The following CACNA2D1 variants were observed in gnomAD, a reference collection of about 807,000 sequenced individuals.
CACNA2D1 encodes the protein voltage-dependent calcium channel subunit alpha-2/delta-1.
In CACNA2D1, 53 loss-of-function variants were observed where a neutral mutation model predicts 171.5. The observed-to-expected ratio is 0.31, with a 90% CI of 0.25 to 0.39. The LOEUF (loss-of-function observed/expected upper bound fraction) is 0.39, where lower values mean the gene tolerates loss of function less well. Ranked by LOEUF, CACNA2D1 falls within the 10% of genes least tolerant of loss-of-function variation. The probability of loss-of-function intolerance (pLI) is 1.00; values close to 1 mark genes in which losing one functional copy is unlikely to be tolerated. For missense variants in CACNA2D1, 903 were observed against 1,299.8 expected (o/e 0.69, Z 4.69); for synonymous variants, 442 against 443.1 (o/e 1.00, Z 0.03).
At chr7:82,400,625 C>A (rs1463982543) in intron 1 of CACNA2D1, among the ~76,000 whole-genome samples, 1 of 152,084 alleles carries the variant, frequency 6.6e-6, no homozygotes, top group Non-Finnish European at 1.5e-5. Context: ...TAGGCAATAC[C>A]ATTCAGGACA....
chr7:82,267,974 GT>G (rs1260346680), intron 3 of CACNA2D1, among the ~76,000 whole-genome samples: 8 of 152,228 alleles, frequency 5.3e-5, no homozygotes, highest in African/African-American at 1.9e-4. Context: ...TCCAGCCTGA[GT>G]GACAGAGTGA....
intron 18 of CACNA2D1, among the ~76,000 whole-genome samples, chr7:82,000,152 G>A (rs977320934): frequency 2.6e-5 from 4 of 152,024 alleles, no homozygotes; most frequent in African/African-American, 4.8e-5. Flanking sequence ...CCAGCTACTC[G>A]GGAGGCTGAG....
At chr7:82,242,247 G>A (rs1369837542) in intron 3 of CACNA2D1, among the ~76,000 whole-genome samples, 1 of 151,470 alleles carries the variant, frequency 6.6e-6, no homozygotes, top group Non-Finnish European at 1.5e-5. Flanking sequence ...CAGTATAAGG[G>A]AGTGTACAAT....
intron 1 of CACNA2D1, among the ~76,000 whole-genome samples, chr7:82,352,328 A>ATTCATATG (rs1172666939): frequency 1.3e-5 from 2 of 152,190 alleles, no homozygotes; most frequent in African/African-American, 2.4e-5. Flanking sequence ...ACTCAAGGGA[A>ATTCATATG]AACACTCATA....
Position 81,965,676 on chromosome 7 carries a change from A to G in CACNA2D1, c.2503-11T>C. The G allele has an allele frequency of 3.9e-6, 6 of 1,537,412 alleles. No individual in the cohort carries two copies. The South Asian group carries it at 5.6e-5, about 14-fold the overall frequency. ...CACACAATCCATTACCTATCAAAAT[A>G]AAGTGAACAGTTAACACATTTTTAG... On this transcript the variant is annotated splice_polypyrimidine_tract_variant and intron_variant, in intron 31 of 38. Coordinates refer to ENST00000356860, the MANE Select transcript of CACNA2D1 (RefSeq NM_000722.4).
chr7:82,003,092 G>A (rs973513219), intron 18 of CACNA2D1, among the ~76,000 whole-genome samples: 1 of 152,000 alleles, frequency 6.6e-6, no homozygotes. Context: ...CTTTTATGAG[G>A]TCTTGTATCA....
intron 1 of CACNA2D1, among the ~76,000 whole-genome samples, chr7:82,351,276 A>G (rs1225471771): frequency 4.6e-5 from 7 of 151,490 alleles, no homozygotes; most frequent in African/African-American, 7.2e-5. Flanking sequence ...AAATGTAAGT[A>G]GTATAAATAT....
intron 3 of CACNA2D1, among the ~76,000 whole-genome samples, chr7:82,296,497 A>T (rs1812304534): frequency 6.6e-6 from 1 of 152,168 alleles, no homozygotes. Flanking sequence ...GAATAGCAGG[A>T]AGGATTTTAG....
At chr7:82,200,837 A>T (rs961893905) in intron 3 of CACNA2D1, among the ~76,000 whole-genome samples, 41 of 152,218 alleles carry the variant, frequency 2.7e-4, no homozygotes, top group Non-Finnish European at 7.3e-5. Flanking sequence ...TAACATATCT[A>T]ACTGAAGCCA....
intron 3 of CACNA2D1, among the ~76,000 whole-genome samples, chr7:82,193,499 C>G (rs1489858205): frequency 6.6e-6 from 1 of 151,706 alleles, no homozygotes; most frequent in Non-Finnish European, 1.5e-5. Flanking sequence ...TAAGCGTGAA[C>G]CAAAATGAAA....
At chr7:81,990,312 G>C (rs991498694) in intron 21 of CACNA2D1, among the ~76,000 whole-genome samples, 4 of 152,042 alleles carry the variant, frequency 2.6e-5, no homozygotes, top group African/African-American at 9.7e-5. Context: ...TAAAAATTTT[G>C]AGCTTATGTT....
chr7:82,333,459 A>G (rs1268364209), intron 3 of CACNA2D1, among the ~76,000 whole-genome samples: 1 of 148,812 alleles, frequency 6.7e-6, no homozygotes, highest in African/African-American at 2.5e-5. Flanking sequence ...ACGGAAGGCA[A>G]AGGAGGAGCA....
intron 3 of CACNA2D1, among the ~76,000 whole-genome samples, chr7:82,272,173 G>C (rs1028580142): frequency 6.6e-6 from 1 of 152,084 alleles, no homozygotes; most frequent in Non-Finnish European, 1.5e-5. Context: ...CTAAATTGTA[G>C]TATTCCAGCT....
intron 1 of CACNA2D1, among the ~76,000 whole-genome samples, chr7:82,433,720 T>G (rs1007148356): frequency 6.6e-6 from 1 of 152,198 alleles, no homozygotes; most frequent in Non-Finnish European, 1.5e-5. Flanking sequence ...ACTATTTAGT[T>G]GTCTGTACAG....
chr7:82,303,062 C>T (rs1215021494), intron 3 of CACNA2D1, among the ~76,000 whole-genome samples: 1 of 152,074 alleles, frequency 6.6e-6, no homozygotes. Context: ...GGTGCGATCT[C>T]GGCTCACTGC....
chr7:82,037,304 C>T (rs141785515), intron 11 of CACNA2D1, among the ~76,000 whole-genome samples: 35 of 152,178 alleles, frequency 2.3e-4, no homozygotes, highest in African/African-American at 7.2e-4. Flanking sequence ...CATGGTGAAA[C>T]CCCGTCTCTA....
intron 12 of CACNA2D1, among the ~76,000 whole-genome samples, chr7:82,021,829 G>A (rs1801249795): frequency 1.3e-5 from 2 of 151,974 alleles, no homozygotes; most frequent in South Asian, 4.1e-4. Flanking sequence ...TTGACTGGGG[G>A]AAAATCCCTC....
At chr7:82,414,668 G>A (rs1326276414) in intron 1 of CACNA2D1, among the ~76,000 whole-genome samples, 1 of 152,164 alleles carries the variant, frequency 6.6e-6, no homozygotes, top group Admixed American at 6.5e-5. Flanking sequence ...AAGTGATTCT[G>A]ATCCATTCGA....
intron 7 of CACNA2D1, among the ~76,000 whole-genome samples, chr7:82,067,921 A>T (rs1437409737): frequency 6.6e-6 from 1 of 152,160 alleles, no homozygotes; most frequent in Non-Finnish European, 1.5e-5. Flanking sequence ...ACTCAACTCC[A>T]AATGCATCCT....
Sources: allele counts gnomAD v4.1 joint callset (sites outside exome capture counted in the v4.1 genomes callset), GRCh38; gene constraint gnomAD v4.1.1; transcripts MANE v1.5; gene names NCBI Gene and HGNC (gene_info 2026-07-23, HGNC 2026-07-21).